The following SRCIN1 variants were observed in gnomAD, a reference collection of about 807,000 sequenced individuals.
SRCIN1 encodes the protein P130Cas-associated protein.
In SRCIN1, 50 loss-of-function variants were observed where a neutral mutation model predicts 116.2. That is an observed-to-expected ratio of 0.43 (90% confidence interval 0.34 to 0.54). The LOEUF (loss-of-function observed/expected upper bound fraction) is 0.54, where lower values mean the gene tolerates loss of function less well. SRCIN1 is among the 20% of genes least tolerant of loss of function. SRCIN1 has a pLI of 0.02. For synonymous variants in SRCIN1, 736 were observed against 750.0 expected, an observed-to-expected ratio of 0.98 and a Z score of 0.30; for missense variants, 1,446 against 1,672.0, an observed-to-expected ratio of 0.86 and a Z score of 2.36.
chr17:38,599,341 G>A (rs539807978), intron 1 of SRCIN1, among the ~76,000 whole-genome samples: 4 of 152,314 alleles, frequency 2.6e-5, no homozygotes, highest in Non-Finnish European at 4.4e-5. Flanking sequence ...CAGAGGAGCA[G>A]CTTCTCTCTT....
chr17:38,563,252 G>T lies in SRCIN1; in HGVS notation c.740+71C>A. 6.6e-7 allele frequency: 1 copy of T among 1,517,920 alleles called. No individual in the cohort carries two copies. The allele number at this position is 1,517,920 out of a possible 1,614,324, so 94.0% of individuals were successfully genotyped here. On this transcript the variant is annotated intron_variant, in intron 5 of 18. Transcript: ENST00000617146. The surrounding 1 kb of genome is among the most constrained non-coding windows in gnomAD (Gnocchi z 5.8). ...GTCAGGAAGGAGCTGGGGAAGGGCC[G>T]GCGGGGTCCAGCACCCTGCAGAGGA...
At chr17:38,582,101 G>C (rs1329145260) in intron 1 of SRCIN1, among the ~76,000 whole-genome samples, 1 of 152,198 alleles carries the variant, frequency 6.6e-6, no homozygotes, top group Admixed American at 6.5e-5. Flanking sequence ...CCTTATGCCA[G>C]AGATCCAGGC....
At chr17:38,606,495 G>A (rs185174965), upstream of SRCIN1, among the ~76,000 whole-genome samples, 619 of 152,256 alleles carry the variant, frequency 4.1e-3, 3 homozygotes, top group African/African-American at 0.014. This position sits in a 1 kb window ranked among gnomAD's most constrained non-coding sequence, Gnocchi z 5.2. Context: ...CTCGGTCGGA[G>A]GGTCTGGGCT....
At chr17:38,569,654 C>T (rs542244792) in intron 2 of SRCIN1, among the ~76,000 whole-genome samples, 5 of 152,240 alleles carry the variant, frequency 3.3e-5, no homozygotes, top group Middle Eastern at 3.4e-3. Context: ...CCAGCATTCA[C>T]GCTAGAAAAC....
In SRCIN1 at chr17:38,530,229, C is replaced by G. The variant is rs1245756764; in HGVS notation, c.*3068G>C. The G allele has an allele frequency of 6.6e-6, 1 of 152,264 alleles. No homozygotes were observed. Among genetic ancestry groups the G allele is most frequent in the Non-Finnish European group, 1.5e-5 (1 of 68,074 alleles). The allele number at this position is 152,264 out of a possible 1,614,324, so 9.4% of individuals were successfully genotyped here. A position where few individuals can be genotyped will look rare whatever the true frequency, so the allele number is the denominator to read the frequency against. ...AGAATATCCACAGAAGCCATCACTG[C>G]TACACCAACATGGGCCCTACAGGGT... On this transcript the variant is annotated 3_prime_UTR_variant, in exon 19 of 19. Coordinates refer to ENST00000617146, the MANE Select transcript of SRCIN1 (RefSeq NM_025248.3).
chr17:38,584,232 G>A (rs1328365568), intron 1 of SRCIN1, among the ~76,000 whole-genome samples: 1 of 152,194 alleles, frequency 6.6e-6, no homozygotes, highest in Non-Finnish European at 1.5e-5. Flanking sequence ...AGGGGCGTTG[G>A]GCCTGAAGGT....
chr17:38,576,673 T>C (rs1345949562), intron 2 of SRCIN1, among the ~76,000 whole-genome samples: 1 of 151,876 alleles, frequency 6.6e-6, no homozygotes, highest in African/African-American at 2.4e-5. Context: ...TATATTCCTC[T>C]CCCTCACCCC....
Position 38,560,447 on chromosome 17 carries a change from G to A in SRCIN1, c.1701-22C>T, listed in dbSNP as rs1385380634. The A allele has an allele frequency of 6.9e-6, 11 of 1,590,806 alleles. 1 individual carries two copies. In the South Asian group the frequency reaches 1.0e-4, roughly 15 times the overall value. On this transcript the variant is annotated intron_variant, in intron 7 of 18. Coordinates refer to ENST00000617146, the MANE Select transcript of SRCIN1 (RefSeq NM_025248.3). ...CTCCCTGGGGAGGAAGGGGGTCTGG[G>A]CAACCTCGCCTCTGAGCATAGGGTC...
intron 16 of SRCIN1, 139 bp from the exon 17 acceptor site, chr17:38,548,848 A>C: frequency 7.6e-7 from 1 of 1,317,960 alleles, no homozygotes; most frequent in Non-Finnish European, 1.0e-6. Flanking sequence ...GTGTCCCTCA[A>C]CAGACAGGGG....
In SRCIN1 at chr17:38,563,432, C is replaced by T. The variant is rs1291476499; in HGVS notation, c.631G>A (p.Ala211Thr). ...GTGAGCTTCTGCGGGAACATGTGCG[C>T]GATGAGTGCGTGCAGCGTGTCCAGG... ...SSLDTLHALI[A>T]HMFPQKLTMG... The change falls in exon 5 of 19, where the codon GCG becomes ACG. Residue 211 changes from alanine (A) to threonine (T), a missense_variant. Physicochemically the swap from Ala to Thr is moderately conservative, Grantham distance 58. Coordinates refer to ENST00000617146, the MANE Select transcript of SRCIN1 (RefSeq NM_025248.3). The surrounding 1 kb of genome is among the most constrained non-coding windows in gnomAD (Gnocchi z 5.8). 6.4e-6 allele frequency: 10 copies of T among 1,565,578 alleles called. No individual in the cohort carries two copies. In the South Asian group the frequency reaches 1.2e-4, roughly 18 times the overall value.
intron 1 of SRCIN1, among the ~76,000 whole-genome samples, chr17:38,584,500 G>A (rs1908007158): frequency 6.6e-6 from 1 of 152,260 alleles, no homozygotes; most frequent in African/African-American, 2.4e-5. Context: ...AAAGTGGCCT[G>A]AGGCTGGGGT....
chr17:38,550,236 T>G (rs1400842176), intron 15 of SRCIN1, among the ~76,000 whole-genome samples: 1 of 152,216 alleles, frequency 6.6e-6, no homozygotes, highest in East Asian at 1.9e-4. Context: ...GGCTCAAGTC[T>G]GTAATCCCAG....
intron 3 of SRCIN1, among the ~76,000 whole-genome samples, chr17:38,567,010 G>A (rs1405816344): frequency 2.0e-5 from 3 of 151,178 alleles, no homozygotes; most frequent in Admixed American, 6.6e-5. Flanking sequence ...AGGCTGGAGC[G>A]CAGAGGTGCA....
At position 38,558,326 on chromosome 17, in the gene SRCIN1, G is replaced by C. The variant is rs11653283; in HGVS notation, c.2102C>G (p.Ala701Gly). 8 of 1,610,072 alleles carry C rather than the reference G, an allele frequency of 5.0e-6. No individual in the cohort carries two copies. The East Asian group carries it at 1.8e-4, about 36-fold the overall frequency. The stretch of plus-strand genomic sequence containing the variant: ...CTGCAGCGGGTCCTCCTGCCGCCGC[G>C]CCGCCTCCGACACGCGCATGCTCAG... ...AELSMRVSEA[A>G]RRQEDPLQRQ... Residue 701 changes from alanine (A) to glycine (G), a missense_variant, in exon 11 of 19, where the codon GCG becomes GGG. Transcript: ENST00000617146. This position sits in a 1 kb window ranked among gnomAD's most constrained non-coding sequence, Gnocchi z 4.6.
At chr17:38,564,029 C>A (rs140020420) in intron 4 of SRCIN1, 89 bp downstream of exon 4, 2 of 1,383,708 alleles carry the variant, frequency 1.4e-6, no homozygotes, top group African/African-American at 1.6e-5. Flanking sequence ...GGCGAGCTGG[C>A]GTGCTGTAGG....
chr17:38,562,736 G>A lies in SRCIN1; in HGVS notation c.834+91C>T. 2 of 1,146,674 alleles carry A rather than the reference G, an allele frequency of 1.7e-6. No homozygotes were observed. The highest frequency in any genetic ancestry group is 2.5e-6 in the Non-Finnish European group (2 of 789,460). The allele number at this position is 1,146,674 out of a possible 1,614,324, so 71.0% of individuals were successfully genotyped here. A position where few individuals can be genotyped will look rare whatever the true frequency, so the allele number is the denominator to read the frequency against. ...CCCTATGCTGTCTTCTCCAAAGCTG[G>A]CCCTGGTTCCAGATGACAACTGCCC... On this transcript the variant is annotated intron_variant, in intron 6 of 18. Transcript: ENST00000617146. This position sits in a 1 kb window ranked among gnomAD's most constrained non-coding sequence, Gnocchi z 4.2.
At chr17:38,549,705 G>A (rs981725929) in intron 15 of SRCIN1, among the ~76,000 whole-genome samples, 11 of 152,198 alleles carry the variant, frequency 7.2e-5, no homozygotes, top group African/African-American at 2.2e-4. Context: ...CCCTGCTTCC[G>A]GGGTAACCTG....
At chr17:38,542,839 T>C (rs1477572249) in intron 18 of SRCIN1, 2 of 318,390 alleles carry the variant, frequency 6.3e-6, no homozygotes, top group Non-Finnish European at 1.3e-5. Context: ...CTCACCCATC[T>C]CTAACCTCTT....
At chr17:38,584,248 C>T (rs1407653963) in intron 1 of SRCIN1, among the ~76,000 whole-genome samples, 3 of 152,308 alleles carry the variant, frequency 2.0e-5, no homozygotes, top group African/African-American at 7.2e-5. Context: ...AAGGTTCCCC[C>T]CAACCCAGGG....
Sources: allele counts gnomAD v4.1 joint callset (sites outside exome capture counted in the v4.1 genomes callset), GRCh38; gene constraint gnomAD v4.1.1; non-coding constraint Gnocchi (gnomAD v3.1); transcripts MANE v1.5; gene names NCBI Gene and HGNC (gene_info 2026-07-23, HGNC 2026-07-21).